Variants in ORC2 observed in about 807,000 individuals in gnomAD.
The protein encoded by ORC2 is origin recognition complex protein 2 homolog.
A neutral mutation model predicts 77.7 loss-of-function variants in ORC2; 37 were observed. That is an observed-to-expected ratio of 0.48 (90% CI 0.37 to 0.63). The LOEUF (loss-of-function observed/expected upper bound fraction) is 0.63. ORC2 is among the 20% of genes least tolerant of loss of function. The pLI is 0.00. For synonymous variants in ORC2, 201 were observed against 229.5 expected, an observed-to-expected ratio of 0.88 and a Z score of 1.12; for missense variants, 557 against 661.9, an observed-to-expected ratio of 0.84 and a Z score of 1.74.
At chr2:200,949,781 G>C (rs2041318094) in intron 4 of ORC2, 138 bp from the exon 5 acceptor site, 5 of 453,684 alleles carry the variant, frequency 1.1e-5, no homozygotes, top group Non-Finnish European at 1.9e-5. Context: ...TAAAATATTT[G>C]GAAATACATA....
At position 200,963,598 on chromosome 2, in the gene ORC2, A is replaced by G. The variant is rs1262167733; in HGVS notation, c.-168T>C. On this transcript the variant is annotated 5_prime_UTR_variant, in exon 1 of 18. Transcript: ENST00000234296. Reference sequence around the variant, plus strand: ...CCTTCGGCCCCAACGGGAAAAGCCAATTTCCAGTAATTCGCGCCCGACCAC... The same window carrying G: ...CCTTCGGCCCCAACGGGAAAAGCCAGTTTCCAGTAATTCGCGCCCGACCAC... The G allele has an allele frequency of 7.5e-6, 3 of 398,438 alleles. No homozygotes were observed. Among genetic ancestry groups the G allele is most frequent in the Admixed American group, 8.8e-5 (2 of 22,716 alleles). 24.7% of individuals were successfully genotyped at this position (398,438 alleles called of 1,614,324 possible).
At chr2:200,917,770 A>T (rs77124078) in intron 15 of ORC2, among the ~76,000 whole-genome samples, 1 of 152,170 alleles carries the variant, frequency 6.6e-6, no homozygotes, top group African/African-American at 2.4e-5. Context: ...AGGAGGGTAC[A>T]TGAGACTTCC....
At chr2:200,941,459 T>C (rs562555365) in intron 6 of ORC2, among the ~76,000 whole-genome samples, 180 bp from the exon 7 acceptor site, 7 of 142,272 alleles carry the variant, frequency 4.9e-5, no homozygotes, top group African/African-American at 1.6e-4. Flanking sequence ...CTGAGCATCA[T>C]AGCGTGATCC....
intron 5 of ORC2, among the ~76,000 whole-genome samples, chr2:200,944,880 A>C (rs1296992044): frequency 6.6e-6 from 1 of 152,170 alleles, no homozygotes; most frequent in Non-Finnish European, 1.5e-5. Context: ...TTTAGTTATG[A>C]CTATGAATGG....
chr2:200,916,859 C>T (rs377662859), intron 15 of ORC2, among the ~76,000 whole-genome samples: 12 of 151,864 alleles, frequency 7.9e-5, no homozygotes, highest in African/African-American at 2.4e-4. Context: ...CCCGCCACCA[C>T]GCCCGGCTAA....
At chr2:200,960,189 G>A (rs1368136162) in intron 1 of ORC2, among the ~76,000 whole-genome samples, 1 of 151,722 alleles carries the variant, frequency 6.6e-6, no homozygotes. Context: ...TGTTGCCTAG[G>A]CTTGTCTCAA....
chr2:200,921,077 TCTCTC>T lies in ORC2; in HGVS notation c.1205_1209del (p.Gly402GlufsTer14), dbSNP rs2040749945. 2 of 1,610,328 alleles carry T rather than the reference TCTCTC, an allele frequency of 1.2e-6. No individual in the cohort carries two copies. The highest frequency in any genetic ancestry group is 8.5e-7 in the Non-Finnish European group (1 of 1,177,528). ...AACTGACCAATGATTTGCTGGCTCT[TCTCTC>T]CTCTCAACATCTGGCTATCCAAATT... On this transcript the variant is annotated frameshift_variant, in exon 14 of 18. Coordinates refer to ENST00000234296, the MANE Select transcript of ORC2 (RefSeq NM_006190.5). LOFTEE classifies it high-confidence loss of function.
Position 200,941,237 on chromosome 2 carries a change from C to A in ORC2, c.453+11G>T. On this transcript the variant is annotated intron_variant, in intron 7 of 17. Coordinates refer to ENST00000234296, the MANE Select transcript of ORC2 (RefSeq NM_006190.5). ...AACACTAAGGCTTTTGCTTTTTAGT[C>A]AATTGCTTACCTTCGGTTGAACCTT... 2 of 1,606,112 alleles carry A rather than the reference C, an allele frequency of 1.2e-6. No homozygotes were observed. The highest frequency in any genetic ancestry group is 1.1e-5 in the South Asian group (1 of 90,046).
Position 200,911,136 on chromosome 2 carries a change from G to A in ORC2, c.*165C>T. On this transcript the variant is annotated 3_prime_UTR_variant, in exon 18 of 18. Transcript: ENST00000234296. The stretch of plus-strand genomic sequence containing the variant: ...GCATAGTACTAGACGGTACCAGCCA[G>A]GCTGATCAAAAAGTTCTAATTGAGG... The A allele has an allele frequency of 3.4e-6, 2 of 589,590 alleles. No individual in the cohort carries two copies. Among genetic ancestry groups the A allele is most frequent in the Non-Finnish European group, 6.1e-6 (2 of 328,368 alleles). The allele number at this position is 589,590 out of a possible 1,614,324, so 36.5% of individuals were successfully genotyped here.
chr2:200,913,677 T>C (rs2040589858), intron 16 of ORC2: 2 of 1,267,974 alleles, frequency 1.6e-6, no homozygotes, highest in Non-Finnish European at 2.0e-6. Flanking sequence ...ACTTGGCAGA[T>C]ACACATCCAT....
chr2:200,912,018 T>C (rs1346752398), intron 17 of ORC2, among the ~76,000 whole-genome samples: 2 of 152,326 alleles, frequency 1.3e-5, no homozygotes, highest in East Asian at 1.9e-4. Context: ...CTGCTGACTA[T>C]TTTCTCTGCA....
intron 2 of ORC2, among the ~76,000 whole-genome samples, chr2:200,958,736 C>T (rs143123002): frequency 2.6e-5 from 4 of 152,278 alleles, no homozygotes; most frequent in South Asian, 2.1e-4. Flanking sequence ...ACAAATCTTT[C>T]GAACACTTTA....
intron 5 of ORC2, among the ~76,000 whole-genome samples, chr2:200,945,353 C>T (rs1398260766): frequency 6.6e-6 from 1 of 152,012 alleles, no homozygotes; most frequent in Non-Finnish European, 1.5e-5. Flanking sequence ...TCTAGGAGTT[C>T]GAGACCAGAC....
chr2:200,951,831 T>C (rs145761026), intron 4 of ORC2, among the ~76,000 whole-genome samples: 442 of 152,350 alleles, frequency 2.9e-3, no homozygotes, highest in Non-Finnish European at 5.4e-3. Context: ...CATTTTCTTC[T>C]AGTCTGTAGT....
chr2:200,950,688 ATTAAG>A (rs1303566353), intron 4 of ORC2, among the ~76,000 whole-genome samples: 2 of 152,360 alleles, frequency 1.3e-5, no homozygotes, highest in African/African-American at 4.8e-5. Context: ...TGCCCTCCTC[ATTAAG>A]TTATTGAAAG....
chr2:200,935,653 T>C, intron 9 of ORC2, 46 bp downstream of exon 9: 1 of 1,345,848 alleles, frequency 7.4e-7, no homozygotes, highest in Non-Finnish European at 1.0e-6. Flanking sequence ...ATCTTTGAAA[T>C]ATTACACAAT....
chr2:200,952,967 C>A (rs2041390511), intron 4 of ORC2, among the ~76,000 whole-genome samples: 2 of 151,700 alleles, frequency 1.3e-5, no homozygotes, highest in Admixed American at 1.3e-4. Flanking sequence ...CAAAAACTAG[C>A]CAGGCATGGT....
At chr2:200,929,137 G>A (rs1386381955) in intron 11 of ORC2, among the ~76,000 whole-genome samples, 2 of 152,044 alleles carry the variant, frequency 1.3e-5, no homozygotes, top group Non-Finnish European at 2.9e-5. Context: ...TTTTAGTAGA[G>A]ACAGGATTTC....
At chr2:200,940,259 GTA>G (rs1272425340) in intron 7 of ORC2, among the ~76,000 whole-genome samples, 2 of 152,176 alleles carry the variant, frequency 1.3e-5, no homozygotes, top group Non-Finnish European at 2.9e-5. Flanking sequence ...GCTGGAACAT[GTA>G]TACCCTTTCC....
Sources: gnomAD v4.1 joint callset for allele counts (sites outside exome capture counted in the v4.1 genomes callset) on GRCh38, gnomAD v4.1.1 for gene constraint, MANE v1.5 for transcripts, NCBI Gene and HGNC (gene_info 2026-07-23, HGNC 2026-07-21) for gene names.